Variants in DSCAM observed in about 807,000 individuals in gnomAD.
DSCAM encodes the protein DS cell adhesion molecule, also known as cell adhesion molecule DSCAM.
A neutral mutation model predicts 217.7 loss-of-function variants in DSCAM; 47 were observed. The ratio of observed to expected loss-of-function variants is 0.22; its 90% confidence interval spans 0.17 to 0.28. The LOEUF (loss-of-function observed/expected upper bound fraction) is 0.28. Among genes scored for constraint, DSCAM ranks in the 10% least tolerant of loss-of-function variants. The pLI, the probability that DSCAM is intolerant of heterozygous loss-of-function variation, is 1.00. For synonymous variants in DSCAM, 1,056 were observed against 1,015.3 expected, an observed-to-expected ratio of 1.04 and a Z score of -0.76; for missense variants, 2,080 against 2,618.3, an observed-to-expected ratio of 0.79 and a Z score of 4.49.
chr21:40,021,027 A>G (rs1184601395), intron 32 of DSCAM, among the ~76,000 whole-genome samples: 1 of 151,684 alleles, frequency 6.6e-6, no homozygotes, highest in Admixed American at 6.6e-5. Flanking sequence ...GGAACATACC[A>G]GGGTCAGGGG....
intron 32 of DSCAM, among the ~76,000 whole-genome samples, chr21:40,033,186 T>A (rs367624619): frequency 6.6e-6 from 1 of 152,084 alleles, no homozygotes; most frequent in Non-Finnish European, 1.5e-5. Context: ...GATGGCCGAA[T>A]AGGAACAGCT....
chr21:40,276,556 C>A (rs981345805), intron 10 of DSCAM, among the ~76,000 whole-genome samples: 1 of 152,132 alleles, frequency 6.6e-6, no homozygotes, highest in African/African-American at 2.4e-5. Context: ...TGTTAAGTAG[C>A]TGATAAATTA....
Position 40,030,593 on chromosome 21 carries a change from C to G in DSCAM, c.5686+11778G>C, listed in dbSNP as rs191903884. 2.0e-3 allele frequency among the ~76,000 whole-genome samples: 307 copies of G among 152,230 alleles called. 3 individuals are homozygous for G. Among genetic ancestry groups the G allele is most frequent in the African/African-American group, 7.0e-3 (289 of 41,550 alleles). On this transcript the variant is annotated intron_variant, in intron 32 of 32. Transcript: ENST00000400454. ...TCAAGAGTTCCCTCTGAACTACGAC[C>G]CTTCAAACACTCCCATAGAATTTTA...
At chr21:40,273,260 T>C (rs754088822) in intron 11 of DSCAM, among the ~76,000 whole-genome samples, 12 of 152,364 alleles carry the variant, frequency 7.9e-5, no homozygotes, top group East Asian at 3.9e-4. Flanking sequence ...GATAACTCTA[T>C]GAAGATGGCA....
At position 40,569,475 on chromosome 21, in the gene DSCAM, A is replaced by G. The variant is rs185361489; in HGVS notation, c.508+123335T>C. ...GAGGAAAACTGAAGCTTCCCTGAGA[A>G]AGAAGAAAATTGCTCCTGTGAACTG... On this transcript the variant is annotated intron_variant, in intron 3 of 32. Transcript: ENST00000400454. Among the ~76,000 whole-genome samples, 404 of 152,342 alleles carry G rather than the reference A, an allele frequency of 2.7e-3. 2 individuals are homozygous for G. The highest frequency in any genetic ancestry group is 9.4e-3 in the African/African-American group (391 of 41,580).
At chr21:40,259,435 A>G (rs965938586) in intron 11 of DSCAM, among the ~76,000 whole-genome samples, 21 of 152,182 alleles carry the variant, frequency 1.4e-4, no homozygotes, top group Non-Finnish European at 2.1e-4. Flanking sequence ...TACAGAAGCT[A>G]AGTAATAAGG....
intron 8 of DSCAM, among the ~76,000 whole-genome samples, chr21:40,329,924 T>G (rs920506264): frequency 6.6e-5 from 10 of 151,882 alleles, no homozygotes; most frequent in Admixed American, 1.3e-4. Context: ...ACACAAAATT[T>G]CAGGAGGAAA....
chr21:40,439,742 T>C (rs1488578878), intron 3 of DSCAM, among the ~76,000 whole-genome samples: 2 of 152,160 alleles, frequency 1.3e-5, no homozygotes, highest in African/African-American at 4.8e-5. Context: ...GCAAGTCATG[T>C]CTTACATGGA....
At chr21:40,073,663 C>A (rs1457951380) in intron 27 of DSCAM, among the ~76,000 whole-genome samples, 1 of 152,132 alleles carries the variant, frequency 6.6e-6, no homozygotes, top group African/African-American at 2.4e-5. Flanking sequence ...TTCACTGATG[C>A]GGTCTTTCTT....
chr21:40,305,448 G>C (rs1480851131), intron 9 of DSCAM, among the ~76,000 whole-genome samples: 4 of 149,524 alleles, frequency 2.7e-5, no homozygotes, highest in Non-Finnish European at 5.9e-5. Flanking sequence ...AGTTTAATTA[G>C]ATCCCATTTG....
At chr21:40,419,976 A>G (rs1340792510) in intron 3 of DSCAM, among the ~76,000 whole-genome samples, 2 of 152,214 alleles carry the variant, frequency 1.3e-5, no homozygotes, top group Non-Finnish European at 2.9e-5. Flanking sequence ...TAGAACAAAT[A>G]CTGAAGGAAT....
At chr21:40,740,843 GT>G (rs984535575) in intron 1 of DSCAM, among the ~76,000 whole-genome samples, 1 of 152,212 alleles carries the variant, frequency 6.6e-6, no homozygotes, top group African/African-American at 2.4e-5. Context: ...ATTTACAAAG[GT>G]TTTAGTGGAA....
chr21:40,306,767 A>C (rs150942709), intron 9 of DSCAM, among the ~76,000 whole-genome samples: 31,124 of 151,694 alleles, frequency 0.21, 5,717 homozygotes, highest in African/African-American at 0.49. Flanking sequence ...TATATTGAAC[A>C]AGCCTTGCAT....
chr21:40,725,782 T>C (rs2090949770), intron 1 of DSCAM, among the ~76,000 whole-genome samples: 2 of 152,188 alleles, frequency 1.3e-5, no homozygotes, highest in African/African-American at 4.8e-5. Context: ...ACCAAGGGCC[T>C]GCCTTTTCTG....
intron 1 of DSCAM, among the ~76,000 whole-genome samples, chr21:40,829,501 A>G (rs1328544811): frequency 6.6e-6 from 1 of 152,212 alleles, no homozygotes; most frequent in African/African-American, 2.4e-5. Flanking sequence ...GCAATGGCAG[A>G]TAGGCTGGGG....
chr21:40,498,696 TA>T (rs1429077172), intron 3 of DSCAM, among the ~76,000 whole-genome samples: 9 of 9,164 alleles, frequency 9.8e-4, no homozygotes, highest in African/African-American at 1.5e-3. Context: ...TATATATATA[TA>T]GATATATATA....
At position 40,178,909 on chromosome 21, in the gene DSCAM, C is replaced by G. The variant is rs370002103; in HGVS notation, c.2947+18G>C. 293 of 1,612,390 alleles carry G rather than the reference C, an allele frequency of 1.8e-4. No homozygotes were observed. In the African/African-American group the frequency reaches 3.4e-3, roughly 18 times the overall value. ...TCCCGGGCTCCTCTGGAGCAAGGTT[C>G]CGCCCGGTCCCACGTACCTGCCTCG... On this transcript the variant is annotated intron_variant, in intron 15 of 32. Transcript: ENST00000400454.
intron 3 of DSCAM, among the ~76,000 whole-genome samples, chr21:40,639,003 T>A (rs2089843256): frequency 6.6e-6 from 1 of 152,152 alleles, no homozygotes; most frequent in Non-Finnish European, 1.5e-5. Flanking sequence ...TTCAGTTCTG[T>A]GACAGCTTTT....
Position 40,259,661 on chromosome 21 carries a change from C to CTTTTTTTTTTTTTTTT in DSCAM, c.2356+16420_2356+16435dup, listed in dbSNP as rs542106779. Among the ~76,000 whole-genome samples the CTTTTTTTTTTTTTTTT allele has an allele frequency of 1.0e-4, 6 of 59,518 alleles. 2 individuals carry two copies. Among genetic ancestry groups the CTTTTTTTTTTTTTTTT allele is most frequent in the South Asian group, 9.6e-4 (1 of 1,038 alleles). The allele number at this position is 59,518 out of a possible 152,430, so 39.0% of individuals were successfully genotyped here. On this transcript the variant is annotated intron_variant, in intron 11 of 32. Transcript: ENST00000400454. ...GAATGAAAGTTTTGAGTCAGCCATT[C>CTTTTTTTTTTTTTTTT]TTTTTTTTTTTTTTTTTTTTTTTTT...
Sources: allele counts gnomAD v4.1 joint callset (sites outside exome capture counted in the v4.1 genomes callset), GRCh38; gene constraint gnomAD v4.1.1; transcripts MANE v1.5; gene names NCBI Gene and HGNC (gene_info 2026-07-23, HGNC 2026-07-21).